Variants in CEACAM1 observed in about 807,000 individuals in gnomAD.
The protein encoded by CEACAM1 is cell adhesion molecule CEACAM1.
In CEACAM1, 31 loss-of-function variants were observed where a neutral mutation model predicts 49.1. The observed-to-expected ratio is 0.63, with a 90% confidence interval of 0.47 to 0.85. The LOEUF (loss-of-function observed/expected upper bound fraction) is 0.85. CEACAM1 is among the 40% of genes least tolerant of loss of function. The pLI, the probability that CEACAM1 is intolerant of heterozygous loss-of-function variation, is 0.00. For missense variants in CEACAM1, 570 were observed against 645.3 expected, an observed-to-expected ratio of 0.88 and a Z score of 1.26; for synonymous variants, 244 against 247.8, an observed-to-expected ratio of 0.98 and a Z score of 0.14.
intron 5 of CEACAM1, among the ~76,000 whole-genome samples, chr19:42,517,424 T>A (rs2041626502): frequency 6.6e-6 from 1 of 152,190 alleles, no homozygotes; most frequent in South Asian, 2.1e-4. Context: ...GAGAATCATA[T>A]ATCTGATAAG....
intron 2 of CEACAM1, among the ~76,000 whole-genome samples, chr19:42,526,623 C>T (rs2041897851): frequency 6.6e-6 from 1 of 152,172 alleles, no homozygotes; most frequent in Non-Finnish European, 1.5e-5. Context: ...TCAGGGTCAC[C>T]AGGAGTTGAG....
At chr19:42,522,527 G>A (rs1326240851) in intron 2 of CEACAM1, among the ~76,000 whole-genome samples, 4 of 151,044 alleles carry the variant, frequency 2.6e-5, no homozygotes, top group Admixed American at 1.3e-4. Flanking sequence ...TGGGATTACA[G>A]GCCTGAGCCA....
chr19:42,513,903 T>TATATATATATATATATATAATATATAA (rs2041527269), intron 5 of CEACAM1, among the ~76,000 whole-genome samples: 1 of 134,050 alleles, frequency 7.5e-6, no homozygotes, highest in Non-Finnish European at 1.5e-5. Context: ...CATATATATA[T>TATATATATATATATATATAATATATAA]ATATATATAT....
chr19:42,523,114 C>T (rs2041800662), intron 2 of CEACAM1, among the ~76,000 whole-genome samples: 1 of 152,204 alleles, frequency 6.6e-6, no homozygotes, highest in Non-Finnish European at 1.5e-5. Flanking sequence ...CCTGTGGGTC[C>T]TCACCTGGAA....
chr19:42,523,287 G>A (rs2041805476), intron 2 of CEACAM1, among the ~76,000 whole-genome samples: 1 of 152,236 alleles, frequency 6.6e-6, no homozygotes, highest in African/African-American at 2.4e-5. Flanking sequence ...GCCTGGGACT[G>A]TATGTTTCAG....
At chr19:42,521,166 T>C (rs2041735502) in intron 4 of CEACAM1, 101 bp downstream of exon 4, 12 of 1,345,466 alleles carry the variant, frequency 8.9e-6, no homozygotes, top group Non-Finnish European at 1.1e-5. Flanking sequence ...TTTGTGCCTG[T>C]TGGATACAGG....
At chr19:42,525,456 G>T (rs1201358662) in intron 2 of CEACAM1, among the ~76,000 whole-genome samples, 1 of 151,994 alleles carries the variant, frequency 6.6e-6, no homozygotes, top group African/African-American at 2.4e-5. Flanking sequence ...TTGAACTCCT[G>T]ACCTCAAGTG....
chr19:42,510,433 G>C (rs1414041179), intron 8 of CEACAM1, among the ~76,000 whole-genome samples: 1 of 152,216 alleles, frequency 6.6e-6, no homozygotes, highest in Non-Finnish European at 1.5e-5. Context: ...CAGGATCTCA[G>C]ATCTATTAAA....
At chr19:42,520,087 G>A (rs552290815) in intron 4 of CEACAM1, among the ~76,000 whole-genome samples, 171 of 152,272 alleles carry the variant, frequency 1.1e-3, no homozygotes, top group African/African-American at 4.0e-3. Context: ...AGAATATCAC[G>A]GTGAAGGAGA....
intron 4 of CEACAM1, chr19:42,519,501 A>T (rs1449594391): frequency 1.7e-5 from 7 of 423,954 alleles, no homozygotes; most frequent in Non-Finnish European, 2.5e-5. Flanking sequence ...CTATATCTCC[A>T]CTTGGAATCT....
intron 5 of CEACAM1, among the ~76,000 whole-genome samples, chr19:42,517,453 T>G (rs1008271318): frequency 6.6e-6 from 1 of 152,186 alleles, no homozygotes; most frequent in African/African-American, 2.4e-5. Flanking sequence ...ATCCAAAATA[T>G]ATAAAGAACT....
intron 5 of CEACAM1, among the ~76,000 whole-genome samples, chr19:42,514,244 A>G (rs2041543587): frequency 1.3e-5 from 2 of 149,448 alleles, no homozygotes; most frequent in South Asian, 4.2e-4. Context: ...CGATTCTCCT[A>G]CCTCAGCCTC....
intron 5 of CEACAM1, among the ~76,000 whole-genome samples, chr19:42,512,925 C>A (rs2041497979): frequency 6.6e-6 from 1 of 152,168 alleles, no homozygotes; most frequent in African/African-American, 2.4e-5. Flanking sequence ...CTCGGCCTCC[C>A]AAAGTGCTTG....
chr19:42,514,893 T>C (rs1808439446), intron 5 of CEACAM1: 3 of 538,108 alleles, frequency 5.6e-6, no homozygotes, highest in Non-Finnish European at 6.6e-6. Context: ...ATAATAGTAG[T>C]AGTAATAGCA....
chr19:42,522,669 C>T (rs1019010694), intron 2 of CEACAM1, among the ~76,000 whole-genome samples: 2 of 152,008 alleles, frequency 1.3e-5, no homozygotes, highest in Non-Finnish European at 2.9e-5. Context: ...TCAAGCGATT[C>T]TCCTGCCTCA....
At chr19:42,509,975 G>A (rs938988152) in intron 8 of CEACAM1, among the ~76,000 whole-genome samples, 3 of 152,088 alleles carry the variant, frequency 2.0e-5, no homozygotes, top group African/African-American at 7.2e-5. Flanking sequence ...CATGATTTGG[G>A]TGCTGCTTAC....
rs2041484605 is a variant in CEACAM1, at chr19:42,512,521, T to G, written c.1247-42A>C. On this transcript the variant is annotated intron_variant, in intron 5 of 8. Transcript: ENST00000161559. ...AGAGGAGAAGAAATGAAAGTGAAAT[T>G]ATTTTACAATGGGGGCTGGGAAACA... 7 of 1,574,970 alleles carry G rather than the reference T, an allele frequency of 4.4e-6. No individual in the cohort carries two copies. In the East Asian group the frequency reaches 1.6e-4, roughly 35 times the overall value.
At chr19:42,509,259 C>A in intron 8 of CEACAM1, 31 bp from the exon 9 acceptor site, 2 of 1,584,030 alleles carry the variant, frequency 1.3e-6, no homozygotes, top group South Asian at 2.4e-5. Context: ...TCAGTTAAGT[C>A]AGTGACACAG....
At position 42,528,421 on chromosome 19, in the gene CEACAM1, C is replaced by T; in HGVS notation, c.-47G>A. 1.3e-6 allele frequency: 2 copies of T among 1,591,876 alleles called. No individual in the cohort carries two copies. The highest frequency in any genetic ancestry group is 2.2e-5 in the South Asian group (2 of 90,592). On this transcript the variant is annotated 5_prime_UTR_variant, in exon 1 of 9. Transcript: ENST00000161559. ...CTTCACCTGTGGAGGAGAGCTTGGG[C>T]TCCAGGAACGCTTCGAGCACGGCTG...
Sources: allele counts gnomAD v4.1 joint callset (sites outside exome capture counted in the v4.1 genomes callset), GRCh38; gene constraint gnomAD v4.1.1; transcripts MANE v1.5; gene names NCBI Gene and HGNC (gene_info 2026-07-23, HGNC 2026-07-21).